ARMH3: variants seen among roughly 807,000 people sequenced by gnomAD.
The protein encoded by ARMH3 is armadillo like helical domain containing 3, also known as armadillo-like helical domain-containing protein 3.
Under a neutral mutation model 99.1 loss-of-function variants are expected in ARMH3, and 60 were observed. The observed-to-expected ratio is 0.61, with a 90% CI of 0.49 to 0.75. The LOEUF (loss-of-function observed/expected upper bound fraction) is 0.75, where lower values mean the gene tolerates loss of function less well. ARMH3 is among the 30% of genes least tolerant of loss of function. ARMH3 has a pLI of 0.00. For synonymous variants in ARMH3, 285 were observed against 292.8 expected, an observed-to-expected ratio of 0.97 and a Z score of 0.27; for missense variants, 679 against 843.1, an observed-to-expected ratio of 0.81 and a Z score of 2.41.
chr10:102,023,731 G>C lies in ARMH3; in HGVS notation c.526C>G (p.Gln176Glu), dbSNP rs568851898. The C allele has an allele frequency of 2.5e-6, 4 of 1,614,096 alleles. No homozygotes were observed. The African/African-American group carries it at 4.0e-5, about 16-fold the overall frequency. Residue 176 changes from glutamine to glutamate, a missense_variant, in exon 7 of 26, where the codon CAG becomes GAG. By Grantham distance (29) the Gln-to-Glu change is conservative (BLOSUM62 2). This residue lies in a region of ARMH3 where 280 missense variants were observed against 354.6 expected (regional missense o/e 0.79). Coordinates refer to ENST00000370033, the MANE Select transcript of ARMH3 (RefSeq NM_024541.3). ...CLVTVTDNIS[Q>E]NTILEYVMIN... ...ATTACATACTCGAGAATAGTGTTCT[G>C]GCTGATGTTATCTGTCACCTGAATG...
chr10:102,016,878 C>T (rs990232697), intron 8 of ARMH3, among the ~76,000 whole-genome samples: 1 of 152,112 alleles, frequency 6.6e-6, no homozygotes, highest in Admixed American at 6.5e-5. Flanking sequence ...TTCCCTAGAC[C>T]TTTTTTGGGG....
chr10:102,025,036 T>C (rs1444095775), intron 6 of ARMH3, 120 bp downstream of exon 6: 1 of 788,194 alleles, frequency 1.3e-6, no homozygotes, highest in African/African-American at 1.7e-5. Context: ...CACGAGGGAG[T>C]GATGTAATAC....
At chr10:101,942,183 C>T (rs560387836) in intron 22 of ARMH3, among the ~76,000 whole-genome samples, 9 of 152,074 alleles carry the variant, frequency 5.9e-5, no homozygotes, top group Admixed American at 1.3e-4. Context: ...CTAAAGCCAT[C>T]ATTTATGTAG....
intron 20 of ARMH3, 130 bp downstream of exon 20, chr10:101,975,082 A>T: frequency 5.6e-6 from 2 of 359,946 alleles, no homozygotes; most frequent in Non-Finnish European, 1.0e-5. Flanking sequence ...AAAGACAAAA[A>T]GAGTAACTGA....
At chr10:101,853,899 G>A (rs376834593) in intron 24 of ARMH3, among the ~76,000 whole-genome samples, 1 of 152,212 alleles carries the variant, frequency 6.6e-6, no homozygotes, top group Non-Finnish European at 1.5e-5. Context: ...TGGATCGCGA[G>A]GTTAAGAGTT....
intron 23 of ARMH3, among the ~76,000 whole-genome samples, chr10:101,915,728 T>C (rs532971639): frequency 2.6e-5 from 4 of 151,914 alleles, no homozygotes; most frequent in Non-Finnish European, 5.9e-5. Flanking sequence ...CCAGTCTAAG[T>C]ACAGAGGGGA....
chr10:101,964,244 A>C (rs1175154853), intron 20 of ARMH3, among the ~76,000 whole-genome samples: 1 of 152,110 alleles, frequency 6.6e-6, no homozygotes, highest in Non-Finnish European at 1.5e-5. Context: ...TCCTGACCTC[A>C]AGTGATCTGC....
chr10:101,888,426 T>C (rs1302380577), intron 24 of ARMH3, among the ~76,000 whole-genome samples: 3 of 152,266 alleles, frequency 2.0e-5, no homozygotes, highest in Non-Finnish European at 2.9e-5. Context: ...CCTATCCATC[T>C]GGCTGAGAAA....
At chr10:101,887,299 A>G (rs1305385243) in intron 24 of ARMH3, among the ~76,000 whole-genome samples, 1 of 152,198 alleles carries the variant, frequency 6.6e-6, no homozygotes, top group Non-Finnish European at 1.5e-5. Flanking sequence ...TAATGAGTAC[A>G]CAAAGACTCC....
intron 23 of ARMH3, among the ~76,000 whole-genome samples, chr10:101,930,588 C>A (rs1843684025): frequency 6.6e-6 from 1 of 152,172 alleles, no homozygotes; most frequent in African/African-American, 2.4e-5. Flanking sequence ...CCTCAAAGGA[C>A]TGAAAGTGAT....
At chr10:101,925,404 C>T (rs1843470762) in intron 23 of ARMH3, among the ~76,000 whole-genome samples, 1 of 152,132 alleles carries the variant, frequency 6.6e-6, no homozygotes, top group Non-Finnish European at 1.5e-5. Flanking sequence ...AAAGGACAAT[C>T]ATAGTATGTC....
At position 101,845,789 on chromosome 10, in the gene ARMH3, T is replaced by C. The variant is rs996560891; in HGVS notation, c.*1739A>G. 31 of 152,310 alleles carry C rather than the reference T, an allele frequency of 2.0e-4. No individual in the cohort carries two copies. Among genetic ancestry groups the C allele is most frequent in the Non-Finnish European group, 4.1e-4 (28 of 68,052 alleles). 9.4% of individuals were successfully genotyped at this position (152,310 alleles called of 1,614,324 possible). ...CACATGGCAGCCTGTTAGTGGCTTC[T>C]CTGGAACTAGTGCATAGCTGCTCAA... On this transcript the variant is annotated 3_prime_UTR_variant, in exon 26 of 26. Transcript: ENST00000370033.
intron 5 of ARMH3, among the ~76,000 whole-genome samples, chr10:102,026,466 A>G (rs2067004144): frequency 6.6e-6 from 1 of 152,236 alleles, no homozygotes; most frequent in Admixed American, 6.5e-5. Flanking sequence ...AATTTGCTCT[A>G]AAGTCACCTA....
chr10:101,926,937 G>A (rs1338174565), intron 23 of ARMH3, among the ~76,000 whole-genome samples: 1 of 152,134 alleles, frequency 6.6e-6, no homozygotes, highest in Non-Finnish European at 1.5e-5. Flanking sequence ...AGGAATGATA[G>A]GGTTTGGATT....
At chr10:101,981,272 CACT>C (rs1394713014) in intron 19 of ARMH3, among the ~76,000 whole-genome samples, 1 of 151,648 alleles carries the variant, frequency 6.6e-6, no homozygotes, top group African/African-American at 2.4e-5. Flanking sequence ...GCAGAGAAAA[CACT>C]ACTAACCTCT....
At position 101,975,281 on chromosome 10, in the gene ARMH3, G is replaced by A. The variant is rs1845944522; in HGVS notation, c.1426C>T (p.His476Tyr). The A allele has an allele frequency of 2.5e-6, 4 of 1,612,344 alleles. No individual in the cohort carries two copies. The highest frequency in any genetic ancestry group is 1.7e-5 in the Admixed American group (1 of 59,948). The change falls in exon 20 of 26, where the codon CAC (histidine) becomes TAC (tyrosine). Residue 476 changes from histidine to tyrosine, a missense_variant. Transcript: ENST00000370033. Reference protein sequence around the residue: ...DLYIRCIQVVHKLLCYQKKCR... With the variant: ...DLYIRCIQVVYKLLCYQKKCR... ...TTCTTCTGGTAGCAGAGCAGTTTGTGTACTACCTGGATGCAGCGTCTGTAA... is the reference window on the plus strand; with the variant it reads ...TTCTTCTGGTAGCAGAGCAGTTTGTATACTACCTGGATGCAGCGTCTGTAA...
rs866855079 is a variant in ARMH3 at position 101,884,797 on chromosome 10, A to C, written c.1860+4615T>G. Among the ~76,000 whole-genome samples, 8 of 145,658 alleles carry C rather than the reference A, an allele frequency of 5.5e-5. No homozygotes were observed. In the South Asian group the frequency reaches 8.8e-4, roughly 16 times the overall value. On this transcript the variant is annotated intron_variant, in intron 24 of 25. Transcript: ENST00000370033. ...AAACAAAACAAAACAAACAAACAAA[A>C]AAAAACAGGCAAATTGGACTTCACC...
At chr10:101,887,438 T>C (rs2067574987) in intron 24 of ARMH3, among the ~76,000 whole-genome samples, 1 of 151,700 alleles carries the variant, frequency 6.6e-6, no homozygotes, top group Non-Finnish European at 1.5e-5. Flanking sequence ...CAGGGTCTCA[T>C]TGTCACCCAG....
intron 23 of ARMH3, among the ~76,000 whole-genome samples, chr10:101,909,539 T>G (rs1439396838): frequency 7.9e-6 from 1 of 126,370 alleles, no homozygotes; most frequent in African/African-American, 3.1e-5. Context: ...CACAATCACA[T>G]CTCACTGCAG....
Sources: allele counts gnomAD v4.1 joint callset (sites outside exome capture counted in the v4.1 genomes callset), GRCh38; gene constraint gnomAD v4.1.1; regional missense constraint gnomAD v4.1.1; transcripts MANE v1.5; gene names NCBI Gene and HGNC (gene_info 2026-07-23, HGNC 2026-07-21).